The following MAPK8 variants were observed in gnomAD, a reference collection of about 807,000 sequenced individuals.
MAPK8 encodes the protein mitogen-activated protein kinase 8.
MAPK8 carries 13 observed loss-of-function variants against 52.9 expected under a neutral mutation model. The ratio of observed to expected loss-of-function variants is 0.25; its 90% CI spans 0.16 to 0.39. The LOEUF (loss-of-function observed/expected upper bound fraction) is 0.39, where lower values mean the gene tolerates loss of function less well. Ranked by LOEUF, MAPK8 falls within the 10% of genes least tolerant of loss-of-function variation. The pLI is 1.00. For synonymous variants in MAPK8, 191 were observed against 169.8 expected, an observed-to-expected ratio of 1.12 and a Z score of -0.97; for missense variants, 300 against 519.2, an observed-to-expected ratio of 0.58 and a Z score of 4.10.
chr10:48,412,636 G>C (rs2042820461), intron 5 of MAPK8, among the ~76,000 whole-genome samples: 1 of 152,142 alleles, frequency 6.6e-6, no homozygotes, highest in African/African-American at 2.4e-5. Flanking sequence ...ATGTTTTCAA[G>C]GAATGCCTCT....
intron 2 of MAPK8, among the ~76,000 whole-genome samples, chr10:48,402,365 T>G (rs931687902): frequency 1.3e-5 from 2 of 152,204 alleles, no homozygotes; most frequent in African/African-American, 2.4e-5. Context: ...AGTCATCACT[T>G]TCACACTATA....
intron 1 of MAPK8, among the ~76,000 whole-genome samples, chr10:48,344,758 A>G (rs919317502): frequency 6.6e-6 from 1 of 152,234 alleles, no homozygotes; most frequent in African/African-American, 2.4e-5. Flanking sequence ...TTGGGGAGAC[A>G]GTGTGTTTGT....
chr10:48,329,517 T>TTA (rs1554811863), intron 1 of MAPK8, among the ~76,000 whole-genome samples: 2 of 149,864 alleles, frequency 1.3e-5, no homozygotes, highest in Non-Finnish European at 3.0e-5. Flanking sequence ...CCTTTTTTTT[T>TTA]AAAAAAAAAA....
At chr10:48,331,523 T>C (rs181927681) in intron 1 of MAPK8, among the ~76,000 whole-genome samples, 100 of 152,336 alleles carry the variant, frequency 6.6e-4, no homozygotes, top group African/African-American at 2.4e-3. Context: ...TACCAATCCC[T>C]TGACTCAAGG....
intron 7 of MAPK8, 59 bp from the exon 8 acceptor site, chr10:48,425,829 A>C: frequency 7.8e-6 from 2 of 254,792 alleles, no homozygotes; most frequent in African/African-American, 3.6e-5. Context: ...TGTAATATGA[A>C]TATGACTAAT....
At chr10:48,346,345 A>G (rs559575077) in intron 1 of MAPK8, among the ~76,000 whole-genome samples, 4 of 152,314 alleles carry the variant, frequency 2.6e-5, no homozygotes, top group African/African-American at 9.6e-5. Context: ...CCATACAGAG[A>G]TAGGAGCTGA....
Position 48,405,908 on chromosome 10 carries a change from AAGT to A in MAPK8, c.252+928_252+930del, listed in dbSNP as rs1316140314. 2.6e-5 allele frequency among the ~76,000 whole-genome samples: 4 copies of A among 152,166 alleles called. No individual in the cohort carries two copies. In the East Asian group the frequency reaches 7.7e-4, roughly 29 times the overall value. On this transcript the variant is annotated intron_variant, in intron 3 of 11. Transcript: ENST00000374189. ...TTATCAAGGGAAAAAAAAATCATGG[AAGT>A]TCAGGATTAGGCCCTTTATTTGGGG...
chr10:48,316,937 A>T (rs575836942), intron 1 of MAPK8, among the ~76,000 whole-genome samples: 41 of 152,250 alleles, frequency 2.7e-4, no homozygotes, highest in Middle Eastern at 3.4e-3. Flanking sequence ...TCCTAATGGT[A>T]TAGGAGCTAA....
At chr10:48,419,361 G>A (rs1250500968) in intron 5 of MAPK8, among the ~76,000 whole-genome samples, 1 of 152,068 alleles carries the variant, frequency 6.6e-6, no homozygotes, top group Non-Finnish European at 1.5e-5. Context: ...TGGTCCTTTG[G>A]CTTATAATAG....
rs138542106 is a variant in MAPK8 at position 48,436,826 on chromosome 10, G to A, written c.*1797G>A. ...AGTCCCTTTTCTAATACAACAAGGT[G>A]CATTAATTTGATTAGGCAAATTAGA... On this transcript the variant is annotated 3_prime_UTR_variant, in exon 12 of 12. Coordinates refer to ENST00000374189, the MANE Select transcript of MAPK8 (RefSeq NM_001323329.2). 28 of 152,274 alleles carry A rather than the reference G, an allele frequency of 1.8e-4. No homozygotes were observed. Among genetic ancestry groups the A allele is most frequent in the African/African-American group, 6.5e-4 (27 of 41,556 alleles). 9.4% of individuals were successfully genotyped at this position (152,274 alleles called of 1,614,324 possible).
chr10:48,309,778 A>G (rs776522510), intron 1 of MAPK8, among the ~76,000 whole-genome samples: 15 of 152,178 alleles, frequency 9.9e-5, no homozygotes, highest in South Asian at 2.1e-4. Context: ...GCTTTGTTGC[A>G]CGAGTGGAAA....
At chr10:48,354,094 G>T (rs1215715160) in intron 1 of MAPK8, among the ~76,000 whole-genome samples, 1 of 152,240 alleles carries the variant, frequency 6.6e-6, no homozygotes, top group African/African-American at 2.4e-5. Flanking sequence ...TGGGTGCAGG[G>T]TACAGGGGAC....
chr10:48,422,505 GATA>G (rs2043425672), intron 6 of MAPK8, among the ~76,000 whole-genome samples: 1 of 152,200 alleles, frequency 6.6e-6, no homozygotes, highest in Admixed American at 6.5e-5. Context: ...CACTGGCCCA[GATA>G]ATATCTTCTC....
intron 1 of MAPK8, among the ~76,000 whole-genome samples, chr10:48,386,856 T>A (rs746075051): frequency 2.0e-4 from 31 of 152,212 alleles, no homozygotes; most frequent in Non-Finnish European, 4.0e-4. Flanking sequence ...CTGCCAAGGA[T>A]ATGGCTGTAA....
At chr10:48,326,241 A>G (rs909446849) in intron 1 of MAPK8, among the ~76,000 whole-genome samples, 2 of 152,196 alleles carry the variant, frequency 1.3e-5, no homozygotes, top group African/African-American at 4.8e-5. Context: ...CATTTATATC[A>G]GTATGGACTC....
chr10:48,322,759 G>GTTCTC (rs757573003), intron 1 of MAPK8, among the ~76,000 whole-genome samples: 13 of 152,122 alleles, frequency 8.5e-5, no homozygotes, highest in Non-Finnish European at 1.5e-4. Context: ...TCCCTTCAGG[G>GTTCTC]GGAGAAATGG....
In MAPK8 at chr10:48,404,843, T is replaced by G; in HGVS notation, c.123-9T>G. 1 of 1,581,142 alleles carries G rather than the reference T, an allele frequency of 6.3e-7. No homozygotes were observed. Among genetic ancestry groups the G allele is most frequent in the Non-Finnish European group, 8.6e-7 (1 of 1,167,230 alleles). On this transcript the variant is annotated splice_polypyrimidine_tract_variant and intron_variant, in intron 2 of 11. Coordinates refer to ENST00000374189, the MANE Select transcript of MAPK8 (RefSeq NM_001323329.2). ...GTTTTTTTGTGTGTTTTTGAATTTC[T>G]TATTACAGCGCAGCTTATGATGCCA...
chr10:48,410,827 G>A (rs2042708688), intron 5 of MAPK8, among the ~76,000 whole-genome samples: 1 of 152,198 alleles, frequency 6.6e-6, no homozygotes, highest in Admixed American at 6.5e-5. Flanking sequence ...CCATCCTAAT[G>A]GGTACGAAGT....
intron 5 of MAPK8, among the ~76,000 whole-genome samples, chr10:48,417,373 G>A (rs1233639030): frequency 6.6e-6 from 1 of 152,170 alleles, no homozygotes; most frequent in Non-Finnish European, 1.5e-5. Flanking sequence ...GGCAGACTGA[G>A]GCAAATTTAT....
Sources: allele counts gnomAD v4.1 joint callset (sites outside exome capture counted in the v4.1 genomes callset), GRCh38; gene constraint gnomAD v4.1.1; transcripts MANE v1.5; gene names NCBI Gene and HGNC (gene_info 2026-07-23, HGNC 2026-07-21).